KIFC3: variants seen among roughly 807,000 people sequenced by gnomAD.
The protein encoded by KIFC3 is kinesin family member C3, also known as kinesin-like protein KIFC3.
In KIFC3, 60 loss-of-function variants were observed where a neutral mutation model predicts 101.8. The ratio of observed to expected loss-of-function variants is 0.59; its 90% CI spans 0.48 to 0.73. KIFC3 has a LOEUF of 0.73. KIFC3 is among the 30% of genes least tolerant of loss of function. KIFC3 has a pLI of 0.00. For missense variants in KIFC3, 966 were observed against 1,137.1 expected, an observed-to-expected ratio of 0.85 and a Z score of 2.16; for synonymous variants, 476 against 482.7, an observed-to-expected ratio of 0.99 and a Z score of 0.18.
chr16:57,840,866 C>T (rs1312921154), intron 1 of KIFC3, among the ~76,000 whole-genome samples: 1 of 152,190 alleles, frequency 6.6e-6, no homozygotes, highest in South Asian at 2.1e-4. Context: ...CAATGTCAAA[C>T]CTGGCCACCT....
chr16:57,835,348 A>T (rs1176007202), intron 1 of KIFC3, among the ~76,000 whole-genome samples: 1 of 152,254 alleles, frequency 6.6e-6, no homozygotes, highest in African/African-American at 2.4e-5. Flanking sequence ...CTGCTCTAAA[A>T]TATGAAACTG....
intron 1 of KIFC3, among the ~76,000 whole-genome samples, chr16:57,862,416 G>A (rs1474561723): frequency 6.6e-6 from 1 of 152,006 alleles, no homozygotes; most frequent in African/African-American, 2.4e-5. Flanking sequence ...TTGGACCTTG[G>A]TTGACCGAGG....
At chr16:57,824,664 C>A (rs58498725) in intron 1 of KIFC3, among the ~76,000 whole-genome samples, 15,232 of 152,208 alleles carry the variant, frequency 0.1, 1,380 homozygotes, top group East Asian at 0.22. Flanking sequence ...CCCTGGATGA[C>A]AGAGCAAGAC....
chr16:57,858,827 G>A (rs924890641), intron 1 of KIFC3, among the ~76,000 whole-genome samples: 4 of 152,168 alleles, frequency 2.6e-5, no homozygotes, highest in Admixed American at 2.0e-4. Context: ...GCACGTGCCT[G>A]TAATCTCAGC....
chr16:57,846,506 C>A (rs2055922456), intron 1 of KIFC3: 1 of 152,394 alleles, frequency 6.6e-6, no homozygotes, highest in East Asian at 1.9e-4. Flanking sequence ...GAAACCCAGC[C>A]ACCTGGGCGG....
At chr16:57,854,995 G>A (rs1334853520) in intron 1 of KIFC3, among the ~76,000 whole-genome samples, 2 of 151,980 alleles carry the variant, frequency 1.3e-5, no homozygotes, top group Non-Finnish European at 2.9e-5. Context: ...CAAGGCGGGA[G>A]AATCATTTGA....
Position 57,764,166 on chromosome 16 carries a change from C to T in KIFC3, c.1594G>A (p.Ala532Thr), listed in dbSNP as rs782446186. 2.9e-5 allele frequency: 47 copies of T among 1,612,636 alleles called. No homozygotes were observed. Among genetic ancestry groups the T allele is most frequent in the South Asian group, 7.7e-5 (7 of 91,080 alleles). ...ACCTCCATCGTGTACGTCTTGCCGGCGCCCGTCTGGCCGTACGCAAAGATG... is the reference window on the plus strand; with the variant it reads ...ACCTCCATCGTGTACGTCTTGCCGGTGCCCGTCTGGCCGTACGCAAAGATG... ...VCIFAYGQTG[A>T]GKTYTMEGTA... Residue 532 changes from alanine to threonine, a missense_variant, in exon 12 of 20, where the codon GCC (alanine) becomes ACC (threonine). Physicochemically the swap from Ala to Thr is moderately conservative, Grantham distance 58. This residue lies in a region of KIFC3 where 689 missense variants were observed against 884.6 expected (regional missense o/e 0.78). Coordinates refer to ENST00000445690, the MANE Select transcript of KIFC3 (RefSeq NM_001130100.2).
At chr16:57,816,118 C>T in intron 1 of KIFC3, 1 of 1,047,944 alleles carries the variant, frequency 9.5e-7, no homozygotes, top group Non-Finnish European at 1.2e-6. Flanking sequence ...ACCAGTGGCT[C>T]TGAACCATTT....
intron 1 of KIFC3, among the ~76,000 whole-genome samples, chr16:57,860,557 CA>C (rs2056282994): frequency 6.6e-6 from 1 of 152,242 alleles, no homozygotes; most frequent in Admixed American, 6.5e-5. Context: ...GGTCTTGTCC[CA>C]GACCCCAAGA....
chr16:57,784,288 G>A (rs776062027), intron 3 of KIFC3, among the ~76,000 whole-genome samples: 1 of 152,196 alleles, frequency 6.6e-6, no homozygotes, highest in South Asian at 2.1e-4. Context: ...CCAGTTAGTG[G>A]GGAAGGCAGG....
intron 1 of KIFC3, 97 bp from the exon 2 acceptor site, chr16:57,798,379 C>G (rs1245167491): frequency 1.8e-6 from 2 of 1,119,162 alleles, no homozygotes; most frequent in African/African-American, 1.5e-5. Context: ...TACGCCCCAC[C>G]GGTCGCTGGT....
chr16:57,857,120 T>A (rs1487298399), intron 1 of KIFC3, among the ~76,000 whole-genome samples: 1 of 152,140 alleles, frequency 6.6e-6, no homozygotes, highest in Non-Finnish European at 1.5e-5. Flanking sequence ...GTGCTTTAAT[T>A]CCAAGGCAGA....
chr16:57,846,864 G>A (rs951149048), intron 1 of KIFC3, among the ~76,000 whole-genome samples: 10 of 152,116 alleles, frequency 6.6e-5, no homozygotes, highest in African/African-American at 2.4e-4. Flanking sequence ...AAAGAAGTGT[G>A]TTTTCCTTTG....
intron 3 of KIFC3, chr16:57,782,261 G>A (rs1197169644): frequency 5.4e-6 from 3 of 551,526 alleles, no homozygotes; most frequent in Non-Finnish European, 6.9e-6. Flanking sequence ...GGAAGTGAAG[G>A]CTCAGAGAGG....
intron 3 of KIFC3, among the ~76,000 whole-genome samples, chr16:57,785,963 C>T (rs2053275537): frequency 6.6e-6 from 1 of 152,154 alleles, no homozygotes; most frequent in African/African-American, 2.4e-5. Context: ...GTCTGATGGG[C>T]CAGCCTCTCT....
Position 57,758,307 on chromosome 16 carries a change from A to G in KIFC3, c.*627T>C, listed in dbSNP as rs1597838410. 1 of 248,388 alleles carries G rather than the reference A, an allele frequency of 4.0e-6. No homozygotes were observed. The highest frequency in any genetic ancestry group is 1.3e-4 in the East Asian group (1 of 7,652). The allele number at this position is 248,388 out of a possible 1,614,324, so 15.4% of individuals were successfully genotyped here. Reference sequence around the variant, plus strand: ...AGGATTTCAGAGGGAAGAAAATTCGAGAGACCAGCGAGCCAGGCAGGTGAG... The same window carrying G: ...AGGATTTCAGAGGGAAGAAAATTCGGGAGACCAGCGAGCCAGGCAGGTGAG... On this transcript the variant is annotated 3_prime_UTR_variant, in exon 20 of 20. Coordinates refer to ENST00000445690, the MANE Select transcript of KIFC3 (RefSeq NM_001130100.2).
At chr16:57,815,376 G>T in intron 1 of KIFC3, 6 of 1,102,772 alleles carry the variant, frequency 5.4e-6, no homozygotes, top group Non-Finnish European at 6.9e-6. Flanking sequence ...GTACATCTCT[G>T]TGCTTAGAGA....
At position 57,770,564 on chromosome 16, in the gene KIFC3, T is replaced by C. The variant is rs141753616; in HGVS notation, c.902A>G (p.Gln301Arg). The change falls in exon 7 of 20, where the codon CAG becomes CGG. Residue 301 changes from glutamine (Q) to arginine (R), a missense_variant. By Grantham distance (43) the Gln-to-Arg change is conservative (BLOSUM62 1). Around this residue, in one of 2 missense-constraint regions of KIFC3, gnomAD observed 689 missense variants for 884.6 expected, o/e 0.78. Coordinates refer to ENST00000445690, the MANE Select transcript of KIFC3 (RefSeq NM_001130100.2). ...CCGCGCGGTCAGCTGGTGTGAGCTCTGCAGCTGCTGTTCCATCTCCTTCAG... is the reference window on the plus strand; with the variant it reads ...CCGCGCGGTCAGCTGGTGTGAGCTCCGCAGCTGCTGTTCCATCTCCTTCAG... ...QVLKEMEQQLQSSHQLTARLR... is the reference protein window; with the variant it reads ...QVLKEMEQQLRSSHQLTARLR... 2.9e-5 allele frequency: 44 copies of C among 1,504,026 alleles called. No homozygotes were observed. Among genetic ancestry groups the C allele is most frequent in the Non-Finnish European group, 3.9e-5 (44 of 1,126,090 alleles). 93.2% of individuals were successfully genotyped at this position (1,504,026 alleles called of 1,614,324 possible).
chr16:57,788,372 T>G (rs545070806), intron 3 of KIFC3, among the ~76,000 whole-genome samples: 1 of 152,298 alleles, frequency 6.6e-6, no homozygotes, highest in Non-Finnish European at 1.5e-5. Context: ...ATGGGTGAGA[T>G]GAAGGTTCTA....
Sources: allele counts gnomAD v4.1 joint callset (sites outside exome capture counted in the v4.1 genomes callset), GRCh38; gene constraint gnomAD v4.1.1; regional missense constraint gnomAD v4.1.1; transcripts MANE v1.5; gene names NCBI Gene and HGNC (gene_info 2026-07-23, HGNC 2026-07-21).